Variants in LGR4 observed in about 807,000 individuals in gnomAD.
LGR4 encodes the protein leucine rich repeat containing G protein-coupled receptor 4, also known as leucine-rich repeat-containing G protein-coupled receptor 4.
LGR4 carries 44 observed loss-of-function variants against 84.8 expected under a neutral mutation model. That is an observed-to-expected ratio of 0.52 (90% CI 0.41 to 0.67). The LOEUF is 0.67. LGR4 is among the 30% of genes least tolerant of loss of function. The pLI, the probability that LGR4 is intolerant of heterozygous loss-of-function variation, is 0.00. For synonymous variants in LGR4, 429 were observed against 434.3 expected (o/e 0.99, Z 0.15); for missense variants, 1,032 against 1,131.4 (o/e 0.91, Z 1.26).
intron 2 of LGR4, among the ~76,000 whole-genome samples, chr11:27,399,724 G>T (rs1863462396): frequency 1.3e-5 from 2 of 151,932 alleles, no homozygotes; most frequent in South Asian, 4.2e-4. Flanking sequence ...TCACCACGTT[G>T]GCCAGGCTGC....
At chr11:27,382,341 T>C in intron 6 of LGR4, 85 bp from the exon 7 acceptor site, 1 of 838,356 alleles carries the variant, frequency 1.2e-6, no homozygotes, top group Non-Finnish European at 2.0e-6. Context: ...AAGTATTTTT[T>C]TAAATCATAT....
intron 1 of LGR4, among the ~76,000 whole-genome samples, chr11:27,449,632 A>G (rs1864449974): frequency 6.6e-6 from 1 of 152,040 alleles, no homozygotes; most frequent in African/African-American, 2.4e-5. Context: ...AAAAAAAGAA[A>G]AAAAAAAGAA....
intron 2 of LGR4, among the ~76,000 whole-genome samples, chr11:27,407,754 T>A (rs550455129): frequency 6.6e-6 from 1 of 152,252 alleles, no homozygotes; most frequent in East Asian, 1.9e-4. Context: ...ATAACATATA[T>A]CAAAGCTAGT....
intron 1 of LGR4, among the ~76,000 whole-genome samples, chr11:27,433,809 A>T (rs76069372): frequency 4.1e-4 from 62 of 152,284 alleles, no homozygotes; most frequent in African/African-American, 1.5e-3. Flanking sequence ...TTAAAAAGGG[A>T]CTTAAAAATG....
chr11:27,434,499 G>A (rs1349101540), intron 1 of LGR4, among the ~76,000 whole-genome samples: 2 of 152,116 alleles, frequency 1.3e-5, no homozygotes, highest in Non-Finnish European at 2.9e-5. Flanking sequence ...AGAGGCCTGT[G>A]GTCTGTCCAC....
intron 13 of LGR4, among the ~76,000 whole-genome samples, chr11:27,374,678 T>C (rs1398533572): frequency 6.6e-6 from 1 of 152,208 alleles, no homozygotes; most frequent in Non-Finnish European, 1.5e-5. Flanking sequence ...TTGAGTAAAT[T>C]CATTCTGAGA....
At position 27,376,349 on chromosome 11, in the gene LGR4, G is replaced by A. The variant is rs749978858; in HGVS notation, c.1131C>T (p.Ile377=). Residue 377 remains isoleucine (I), a synonymous_variant, in exon 13 of 18, where the codon ATC becomes ATT. Coordinates refer to ENST00000379214, the MANE Select transcript of LGR4 (RefSeq NM_018490.5). ...LEEISLQRNQ[I]YQIKEGTFQG... is the part of the protein sequence containing the mutation. ...GAAAGGTGCCTTCCTTTATTTGGTA[G>A]ATTTGATTACGCTGTAAAGAACTAA... 1 of 1,567,328 alleles carries A rather than the reference G, an allele frequency of 6.4e-7. No homozygotes were observed. The highest frequency in any genetic ancestry group is 1.7e-5 in the Admixed American group (1 of 57,914).
At chr11:27,416,846 G>C (rs1043612992) in intron 1 of LGR4, among the ~76,000 whole-genome samples, 4 of 152,154 alleles carry the variant, frequency 2.6e-5, no homozygotes, top group African/African-American at 9.7e-5. Flanking sequence ...TCTCTCCAGT[G>C]GTTAAACTCT....
chr11:27,446,526 C>A (rs1864393256), intron 1 of LGR4, among the ~76,000 whole-genome samples: 2 of 152,058 alleles, frequency 1.3e-5, no homozygotes. Context: ...ATTAAAAAGT[C>A]AGGAAACAAC....
At chr11:27,446,043 G>A (rs1332814812) in intron 1 of LGR4, among the ~76,000 whole-genome samples, 2 of 152,172 alleles carry the variant, frequency 1.3e-5, no homozygotes, top group African/African-American at 4.8e-5. Flanking sequence ...TATGTTACAT[G>A]CAAGGCACAA....
chr11:27,459,683 G>A (rs1864646168), intron 1 of LGR4, among the ~76,000 whole-genome samples: 1 of 151,788 alleles, frequency 6.6e-6, no homozygotes, highest in South Asian at 2.1e-4. Context: ...CACCATCTTG[G>A]CCAGGCTGGT....
At chr11:27,373,720 T>C (rs1565069591) in intron 14 of LGR4, 44 bp from the exon 15 acceptor site, 1 of 1,498,994 alleles carries the variant, frequency 6.7e-7, no homozygotes, top group East Asian at 2.3e-5. Flanking sequence ...AATATATAAA[T>C]CACATAAAAA....
intron 2 of LGR4, among the ~76,000 whole-genome samples, chr11:27,403,962 A>G (rs537133790): frequency 1.3e-5 from 2 of 152,216 alleles, no homozygotes; most frequent in African/African-American, 4.8e-5. Context: ...AATGATGAAC[A>G]AATTCTAAGT....
chr11:27,385,498 T>A, intron 4 of LGR4, 30 bp from the exon 5 acceptor site: 1 of 1,440,830 alleles, frequency 6.9e-7, no homozygotes, highest in Non-Finnish European at 9.6e-7. Context: ...CCATGTTCAG[T>A]AACAAATTCT....
intron 1 of LGR4, among the ~76,000 whole-genome samples, chr11:27,441,091 A>T (rs1864297583): frequency 6.6e-6 from 1 of 152,210 alleles, no homozygotes; most frequent in South Asian, 2.1e-4. Context: ...AGTCTTACCT[A>T]AAGTGACACT....
At chr11:27,420,486 C>A (rs1220006384) in intron 1 of LGR4, among the ~76,000 whole-genome samples, 8 of 152,042 alleles carry the variant, frequency 5.3e-5, no homozygotes, top group Admixed American at 5.2e-4. Context: ...AGACCTGGAG[C>A]TCAAAAAAGG....
chr11:27,396,441 G>A (rs1590360408), intron 2 of LGR4, among the ~76,000 whole-genome samples: 2 of 152,296 alleles, frequency 1.3e-5, no homozygotes, highest in Middle Eastern at 3.4e-3. Context: ...GCTGAGAATG[G>A]GATTCCCTGA....
At chr11:27,382,090 T>C in intron 7 of LGR4, 98 bp downstream of exon 7, 2 of 791,060 alleles carry the variant, frequency 2.5e-6, no homozygotes, top group Non-Finnish European at 2.2e-6. Context: ...ATTATGGATA[T>C]ACGTAATGGA....
At chr11:27,372,174 C>T in intron 16 of LGR4, 109 bp downstream of exon 16, 1 of 757,706 alleles carries the variant, frequency 1.3e-6, no homozygotes, top group Non-Finnish European at 2.3e-6. Flanking sequence ...CAGACAATGC[C>T]ATTTTTCTCA....
Sources: gnomAD v4.1 joint callset for allele counts (sites outside exome capture counted in the v4.1 genomes callset) on GRCh38, gnomAD v4.1.1 for gene constraint, MANE v1.5 for transcripts, NCBI Gene and HGNC (gene_info 2026-07-23, HGNC 2026-07-21) for gene names.